The following MPC1 variants were observed in gnomAD, a reference collection of about 807,000 sequenced individuals.
MPC1 encodes the protein HSPC040 protein.
A neutral mutation model predicts 13.9 loss-of-function variants in MPC1; 6 were observed. That is an observed-to-expected ratio of 0.43 (90% CI 0.24 to 0.85). MPC1 has a LOEUF of 0.85. MPC1 is among the 40% of genes least tolerant of loss of function. The pLI is 0.24. For synonymous variants in MPC1, 47 were observed against 50.5 expected, an observed-to-expected ratio of 0.93 and a Z score of 0.29; for missense variants, 115 against 143.3, an observed-to-expected ratio of 0.80 and a Z score of 1.01.
intron 1 of MPC1, among the ~76,000 whole-genome samples, chr6:166,371,822 TAATAA>T (rs1779392354): frequency 6.6e-6 from 1 of 152,180 alleles, no homozygotes. Flanking sequence ...CAATTACTAA[TAATAA>T]AATAGAATAA....
At chr6:166,368,205 G>A (rs79097875) in intron 2 of MPC1, among the ~76,000 whole-genome samples, 3 of 152,266 alleles carry the variant, frequency 2.0e-5, no homozygotes, top group Non-Finnish European at 2.9e-5. Flanking sequence ...ACATTTAGAC[G>A]AGGTGACTAG....
intron 1 of MPC1, among the ~76,000 whole-genome samples, chr6:166,380,598 A>G (rs1430236090): frequency 4.6e-5 from 7 of 152,212 alleles, no homozygotes. Flanking sequence ...TTAGAAAAGC[A>G]GAACTCTCTT....
intron 1 of MPC1, among the ~76,000 whole-genome samples, chr6:166,375,622 T>C (rs1250255558): frequency 1.3e-5 from 2 of 152,192 alleles, no homozygotes; most frequent in African/African-American, 4.8e-5. Context: ...TAGTTCAAAA[T>C]ATTAAAAAAT....
In MPC1 at chr6:166,366,832, T is replaced by C; in HGVS notation, c.135A>G (p.Lys45=). 1 of 1,614,102 alleles carries C rather than the reference T, an allele frequency of 6.2e-7. No homozygotes were observed. The highest frequency in any genetic ancestry group is 8.5e-7 in the Non-Finnish European group (1 of 1,179,956). The change falls in exon 3 of 5, where the codon AAA becomes AAG. Residue 45 remains lysine, a synonymous_variant. Transcript: ENST00000360961. ...GLPIAAINDM[K]KSPEIISGRM... is the part of the protein sequence containing the mutation. ...GCCCACTGATAATCTCTGGAGACTT[T>C]TTCATATCATTGATGGCAGCAATGG...
At chr6:166,373,235 C>A (rs1184694240) in intron 1 of MPC1, among the ~76,000 whole-genome samples, 1 of 152,116 alleles carries the variant, frequency 6.6e-6, no homozygotes, top group Non-Finnish European at 1.5e-5. Flanking sequence ...CATACGATGC[C>A]ACGCGTCCAT....
chr6:166,370,669 C>T (rs1450337130), intron 1 of MPC1, among the ~76,000 whole-genome samples: 1 of 152,120 alleles, frequency 6.6e-6, no homozygotes, highest in Non-Finnish European at 1.5e-5. Flanking sequence ...ATCTGGGCAA[C>T]ATAGTGAGAC....
intron 1 of MPC1, chr6:166,381,888 C>A (rs1048004038): frequency 2.3e-6 from 2 of 868,642 alleles, no homozygotes; most frequent in African/African-American, 3.6e-5. Flanking sequence ...AACCGAAAGG[C>A]GAACCCAAGG....
chr6:166,370,297 G>T, intron 1 of MPC1, 76 bp from the exon 2 acceptor site: 1 of 692,392 alleles, frequency 1.4e-6, no homozygotes, highest in Non-Finnish European at 2.6e-6. Flanking sequence ...AATGATTTTG[G>T]TCTTATTAGG....
chr6:166,367,138 A>G (rs1779190802), intron 2 of MPC1: 2 of 1,323,020 alleles, frequency 1.5e-6, no homozygotes, highest in East Asian at 3.6e-5. Flanking sequence ...CAGCTTCCCA[A>G]GGTCCCTACT....
chr6:166,365,407 C>T lies in MPC1; in HGVS notation c.*22G>A. The T allele has an allele frequency of 6.4e-7, 1 of 1,561,842 alleles. No individual in the cohort carries two copies. Among genetic ancestry groups the T allele is most frequent in the Non-Finnish European group, 8.7e-7 (1 of 1,152,090 alleles). On this transcript the variant is annotated 3_prime_UTR_variant, in exon 5 of 5. Coordinates refer to ENST00000360961, the MANE Select transcript of MPC1 (RefSeq NM_016098.4). This position sits in a 1 kb window ranked among gnomAD's most constrained non-coding sequence, Gnocchi z 4.2. Reference sequence around the variant, plus strand: ...AGCTGGCAATGCTGTCCCTTCAAGACCTTGTTCTTCCTTTTCCATTGTTAT... The same window carrying T: ...AGCTGGCAATGCTGTCCCTTCAAGATCTTGTTCTTCCTTTTCCATTGTTAT...
intron 2 of MPC1, 86 bp downstream of exon 2, chr6:166,370,132 G>GCAA (rs753271224): frequency 2.6e-6 from 2 of 779,386 alleles, no homozygotes; most frequent in African/African-American, 3.4e-5. Context: ...GCTCTCATAT[G>GCAA]CAAAGGATGC....
At chr6:166,372,227 C>A (rs151296335) in intron 1 of MPC1, among the ~76,000 whole-genome samples, 22 of 152,242 alleles carry the variant, frequency 1.4e-4, no homozygotes, top group African/African-American at 5.3e-4. Context: ...TAACCAAGGG[C>A]ACATTTTTTC....
At chr6:166,382,657 CT>C (rs1226175052) in intron 1 of MPC1, 148 bp downstream of exon 1, 4 of 781,810 alleles carry the variant, frequency 5.1e-6, no homozygotes, top group Non-Finnish European at 7.5e-6. Flanking sequence ...TGGGGCCCCC[CT>C]GACAAGCGCA....
At chr6:166,377,082 T>C (rs1293065272) in intron 1 of MPC1, among the ~76,000 whole-genome samples, 1 of 152,026 alleles carries the variant, frequency 6.6e-6, no homozygotes, top group Admixed American at 6.5e-5. Context: ...ATGAGCATTT[T>C]ATATGATTCC....
At chr6:166,375,601 G>A (rs1562460294) in intron 1 of MPC1, among the ~76,000 whole-genome samples, 1 of 151,996 alleles carries the variant, frequency 6.6e-6, no homozygotes. Flanking sequence ...AGTTGTGTTT[G>A]CACTTTTATT....
intron 2 of MPC1, chr6:166,368,686 C>T (rs1359078882): frequency 2.2e-6 from 2 of 906,818 alleles, no homozygotes; most frequent in Admixed American, 1.2e-4. Flanking sequence ...TCCTTATTCC[C>T]CAGACTTTTG....
chr6:166,369,245 T>C (rs993157967), intron 2 of MPC1, among the ~76,000 whole-genome samples: 12 of 152,174 alleles, frequency 7.9e-5, no homozygotes, highest in African/African-American at 2.9e-4. Flanking sequence ...CTACTAAAAA[T>C]ACACAAATTA....
At chr6:166,382,471 ACCCACTGTCACCCCCGCCCTGAGGAGCG>A (rs1562463130) in intron 1 of MPC1, among the ~76,000 whole-genome samples, 2 of 135,486 alleles carry the variant, frequency 1.5e-5, no homozygotes, top group Non-Finnish European at 3.1e-5. Context: ...GGGAGAGGAC[ACCCACTGTCACCCCCGCCCTGAGGAGCG>A]CCCACTGTCA....
At chr6:166,371,035 C>T (rs1425259014) in intron 1 of MPC1, among the ~76,000 whole-genome samples, 1 of 152,206 alleles carries the variant, frequency 6.6e-6, no homozygotes, top group Admixed American at 6.5e-5. Context: ...CACATCTCAG[C>T]TTGAACTAGT....
Sources: gnomAD v4.1 joint callset for allele counts (sites outside exome capture counted in the v4.1 genomes callset) on GRCh38, gnomAD v4.1.1 for gene constraint, Gnocchi (gnomAD v3.1) non-coding constraint, MANE v1.5 for transcripts, NCBI Gene and HGNC (gene_info 2026-07-23, HGNC 2026-07-21) for gene names.